The following STK25 variants were observed in gnomAD, a reference collection of about 807,000 sequenced individuals.
The protein encoded by STK25 is serine/threonine-protein kinase 25.
STK25 carries 29 observed loss-of-function variants against 53.8 expected under a neutral mutation model. The ratio of observed to expected loss-of-function variants is 0.54; its 90% CI spans 0.40 to 0.74. The LOEUF is 0.74. Among genes scored for constraint, STK25 ranks in the 30% least tolerant of loss-of-function variants. The pLI, the probability that STK25 is intolerant of heterozygous loss-of-function variation, is 0.00. For synonymous variants in STK25, 247 were observed against 238.3 expected (o/e 1.04, Z -0.33); for missense variants, 420 against 568.0 (o/e 0.74, Z 2.65).
intron 1 of STK25, 71 bp downstream of exon 1, chr2:241,508,345 CCCCCGCCCCGGTGTCCCCGCCACCGAG>C (rs1208604388): frequency 8.6e-6 from 10 of 1,168,594 alleles, no homozygotes; most frequent in Non-Finnish European, 1.1e-5. Flanking sequence ...CCTCCCGGTG[CCCCCGCCCCGGTGTCCCCGCCACCGAG>C]CCCCGCCCCG....
In STK25 at chr2:241,495,524, G is replaced by C; in HGVS notation, c.*138C>G. ...AAGGAGACGGTGACCTGGTGACCTG[G>C]CATGTGAGGCCCACGGGATCCGACG... On this transcript the variant is annotated 3_prime_UTR_variant, in exon 12 of 12. Transcript: ENST00000316586. The C allele has an allele frequency of 1.2e-6, 1 of 844,766 alleles. No homozygotes were observed. The highest frequency in any genetic ancestry group is 2.0e-6 in the Non-Finnish European group (1 of 510,286). 52.3% of individuals were successfully genotyped at this position (844,766 alleles called of 1,614,324 possible).
In STK25 at chr2:241,508,070, C is replaced by T. The variant is rs369709924; in HGVS notation, c.-35G>A. 5.0e-6 allele frequency: 8 copies of T among 1,586,166 alleles called. No homozygotes were observed. In the African/African-American group the frequency reaches 6.8e-5, roughly 13 times the overall value. ...GCCTCAGACCCTCCGCCAGCAGCCC[C>T]AGGAGGCGTCTGGATCCCGCGGAGA... On this transcript the variant is annotated 5_prime_UTR_variant, in exon 2 of 12. Coordinates refer to ENST00000316586, the MANE Select transcript of STK25 (RefSeq NM_001271977.2).
rs1003996961 is a variant in STK25, at chr2:241,501,121, C to A, written c.262-325G>T. The A allele has an allele frequency of 1.8e-6, 1 of 551,938 alleles. No homozygotes were observed. The highest frequency in any genetic ancestry group is 1.9e-5 in the African/African-American group (1 of 53,056). The allele number at this position is 551,938 out of a possible 1,614,324, so 34.2% of individuals were successfully genotyped here. On this transcript the variant is annotated intron_variant, in intron 3 of 11. Coordinates refer to ENST00000316586, the MANE Select transcript of STK25 (RefSeq NM_001271977.2). The surrounding 1 kb of genome is among the most constrained non-coding windows in gnomAD (Gnocchi z 5.3). ...TGGCAAGCATGTGACCCGACACACCCATCACCCTCCTGGGCAGGATGGCCA... is the reference window on the plus strand; with the variant it reads ...TGGCAAGCATGTGACCCGACACACCAATCACCCTCCTGGGCAGGATGGCCA...
At chr2:241,508,836 C>A (rs532640628), upstream of STK25, 302 of 816,772 alleles carry the variant, frequency 3.7e-4, no homozygotes, top group Admixed American at 8.7e-4. Flanking sequence ...GGCACGTGGT[C>A]GTTGTCGCGT....
chr2:241,507,835 C>A (rs966284051), intron 2 of STK25, among the ~76,000 whole-genome samples, 171 bp downstream of exon 2: 6 of 152,246 alleles, frequency 3.9e-5, no homozygotes, highest in Non-Finnish European at 5.9e-5. Flanking sequence ...CACGGCAGAG[C>A]CCCGGGGCCG....
At chr2:241,500,374 GCAGA>G in intron 4 of STK25, 93 bp from the exon 5 acceptor site, 2 of 863,814 alleles carry the variant, frequency 2.3e-6, no homozygotes, top group Non-Finnish European at 3.8e-6. Flanking sequence ...GGCTGTCCCT[GCAGA>G]TAGCTGGGGG....
In STK25 at chr2:241,493,081, CAG is replaced by C. The variant is rs777742118; in HGVS notation, c.*2579_*2580del. ...GCCCAATGCAGGTGATGCTAGCAGACAGACACTTAACCCTGCTCACCTGTGTC... is the reference window on the plus strand; with the variant it reads ...GCCCAATGCAGGTGATGCTAGCAGACACACTTAACCCTGCTCACCTGTGTC... On this transcript the variant is annotated 3_prime_UTR_variant, in exon 12 of 12. Transcript: ENST00000316586. The C allele has an allele frequency of 8.2e-7, 1 of 1,217,006 alleles. No individual in the cohort carries two copies. The highest frequency in any genetic ancestry group is 1.2e-6 in the Non-Finnish European group (1 of 817,798). The allele number at this position is 1,217,006 out of a possible 1,614,324, so 75.4% of individuals were successfully genotyped here.
Position 241,501,801 on chromosome 2 carries a change from T to G in STK25, c.31-93A>C. On this transcript the variant is annotated intron_variant, in intron 2 of 11. Coordinates refer to ENST00000316586, the MANE Select transcript of STK25 (RefSeq NM_001271977.2). This position sits in a 1 kb window ranked among gnomAD's most constrained non-coding sequence, Gnocchi z 5.3. ...CTGCCCTGCTGGGGAGGAAGGGACC[T>G]GTAGGGAAGGGGGAGTCCAAGGGAG... is the stretch of plus-strand genomic sequence containing the variant. The G allele has an allele frequency of 1.1e-6, 1 of 889,332 alleles. No individual in the cohort carries two copies. The highest frequency in any genetic ancestry group is 1.8e-6 in the Non-Finnish European group (1 of 565,038). 55.1% of individuals were successfully genotyped at this position (889,332 alleles called of 1,614,324 possible).
rs1277221621 is a variant in STK25, at chr2:241,493,294, A to ATGAC, written c.*2364_*2367dup. The ATGAC allele has an allele frequency of 2.5e-6, 4 of 1,613,712 alleles. No individual in the cohort carries two copies. Among genetic ancestry groups the ATGAC allele is most frequent in the Non-Finnish European group, 3.4e-6 (4 of 1,179,966 alleles). On this transcript the variant is annotated 3_prime_UTR_variant, in exon 12 of 12. Transcript: ENST00000316586. ...CCGTGTCCCTATGCTGTCTTGCAGGATGACTACCCACTGGCCAGCCTCCCG... is the reference window on the plus strand; with the variant it reads ...CCGTGTCCCTATGCTGTCTTGCAGGATGACTGACTACCCACTGGCCAGCCTCCCG...
At chr2:241,502,494 C>T (rs2065571407) in intron 2 of STK25, among the ~76,000 whole-genome samples, 1 of 152,058 alleles carries the variant, frequency 6.6e-6, no homozygotes, top group Admixed American at 6.6e-5. Context: ...TCCCAGCACT[C>T]TGGGAGGCCA....
In STK25 at chr2:241,492,789, G is replaced by A. The variant is rs570721538; in HGVS notation, c.*2873C>T. On this transcript the variant is annotated 3_prime_UTR_variant, in exon 12 of 12. Coordinates refer to ENST00000316586, the MANE Select transcript of STK25 (RefSeq NM_001271977.2). Reference sequence around the variant, plus strand: ...GTTGGACTTAAGTACTGATAAAGCTGCTGTTCATAGCAGTCCAGAGGTAAA... The same window carrying A: ...GTTGGACTTAAGTACTGATAAAGCTACTGTTCATAGCAGTCCAGAGGTAAA... 9 of 594,094 alleles carry A rather than the reference G, an allele frequency of 1.5e-5. No homozygotes were observed. In the East Asian group the frequency reaches 2.5e-4, roughly 16 times the overall value. 36.8% of individuals were successfully genotyped at this position (594,094 alleles called of 1,614,324 possible).
intron 2 of STK25, among the ~76,000 whole-genome samples, chr2:241,505,919 C>T (rs1054529452): frequency 2.6e-5 from 4 of 152,188 alleles, no homozygotes; most frequent in Admixed American, 6.5e-5. Flanking sequence ...TCAGCTGACT[C>T]GAGCGGTGGA....
In STK25 at chr2:241,501,487, G is replaced by A. The variant is rs2065508674; in HGVS notation, c.252C>T (p.Ser84=). ...DSPYITRYFG[S]YLKSTKLWII... is the part of the protein sequence containing the mutation. ...TCCCCACAACAGGCACCTTTAGGTA[G>A]GAGCCAAAGTAGCGGGTGATGTAGG... is the stretch of plus-strand genomic sequence containing the variant. The change falls in exon 3 of 12, where the codon TCC becomes TCT. Residue 84 remains serine, a synonymous_variant. Coordinates refer to ENST00000316586, the MANE Select transcript of STK25 (RefSeq NM_001271977.2). The surrounding 1 kb of genome is among the most constrained non-coding windows in gnomAD (Gnocchi z 5.3). The A allele has an allele frequency of 1.2e-6, 2 of 1,613,892 alleles. No individual in the cohort carries two copies. The highest frequency in any genetic ancestry group is 1.7e-6 in the Non-Finnish European group (2 of 1,180,008).
chr2:241,506,630 G>A (rs1281273546), intron 2 of STK25, among the ~76,000 whole-genome samples: 1 of 152,170 alleles, frequency 6.6e-6, no homozygotes, highest in Non-Finnish European at 1.5e-5. Context: ...AGCTGGGCAT[G>A]GTGGCGCATG....
At position 241,495,581 on chromosome 2, in the gene STK25, C is replaced by T. The variant is rs746371779; in HGVS notation, c.*81G>A. On this transcript the variant is annotated 3_prime_UTR_variant, in exon 12 of 12. Coordinates refer to ENST00000316586, the MANE Select transcript of STK25 (RefSeq NM_001271977.2). ...TGCAGGCACGACATAGCACAGGGCA[C>T]CTTCCAAGTCAGCACAGTTCTTATG... 8.1e-5 allele frequency: 124 copies of T among 1,529,156 alleles called. No homozygotes were observed. The highest frequency in any genetic ancestry group is 9.9e-5 in the Non-Finnish European group (109 of 1,103,368). The allele number at this position is 1,529,156 out of a possible 1,614,324, so 94.7% of individuals were successfully genotyped here.
rs1256995866 is a variant in STK25 at position 241,493,362 on chromosome 2, A to G, written c.*2300T>C. On this transcript the variant is annotated 3_prime_UTR_variant, in exon 12 of 12. Coordinates refer to ENST00000316586, the MANE Select transcript of STK25 (RefSeq NM_001271977.2). ...GAGCATCCCCAGGGAGGCCGATGGC[A>G]TACACAAAGACTATGTTTTCAAGCT... 6.2e-7 allele frequency: 1 copy of G among 1,614,036 alleles called. No homozygotes were observed. The highest frequency in any genetic ancestry group is 1.1e-5 in the South Asian group (1 of 91,084).
chr2:241,506,743 G>A (rs1041813770), intron 2 of STK25, among the ~76,000 whole-genome samples: 1 of 152,006 alleles, frequency 6.6e-6, no homozygotes, highest in African/African-American at 2.4e-5. Flanking sequence ...CTCCAACCTG[G>A]GCAACAAAAG....
intron 2 of STK25, chr2:241,503,962 G>A (rs35172632): frequency 0.22 from 104,567 of 466,270 alleles, 13,422 homozygotes; most frequent in East Asian, 0.56. Flanking sequence ...CGACACTTCC[G>A]TGTGAAACTG....
chr2:241,498,491 C>T, intron 8 of STK25, 142 bp from the exon 9 acceptor site: 2 of 1,261,392 alleles, frequency 1.6e-6, no homozygotes, highest in Non-Finnish European at 1.1e-6. Flanking sequence ...GATGCCTCAG[C>T]AGGCCCTGTC....
Sources: allele counts gnomAD v4.1 joint callset (sites outside exome capture counted in the v4.1 genomes callset), GRCh38; gene constraint gnomAD v4.1.1; non-coding constraint Gnocchi (gnomAD v3.1); transcripts MANE v1.5; gene names NCBI Gene and HGNC (gene_info 2026-07-23, HGNC 2026-07-21).